The following NRCAM variants were observed in gnomAD, a reference collection of about 807,000 sequenced individuals.
The protein encoded by NRCAM is neuronal cell adhesion molecule, also known as NgCAM-related cell adhesion molecule.
In NRCAM, 83 loss-of-function variants were observed where a neutral mutation model predicts 156.5. That is an observed-to-expected ratio of 0.53 (90% CI 0.44 to 0.64). The LOEUF is 0.64. Ranked by LOEUF, NRCAM falls within the 30% of genes least tolerant of loss-of-function variation. NRCAM has a pLI of 0.00. For synonymous variants in NRCAM, 538 were observed against 563.9 expected, an observed-to-expected ratio of 0.95 and a Z score of 0.65; for missense variants, 1,417 against 1,597.3, an observed-to-expected ratio of 0.89 and a Z score of 1.92.
At chr7:108,321,868 C>T (rs2099005680) in intron 2 of NRCAM, among the ~76,000 whole-genome samples, 1 of 152,080 alleles carries the variant, frequency 6.6e-6, no homozygotes, top group Admixed American at 6.5e-5. Context: ...TTAACTTGGC[C>T]GTTGGTATCA....
At chr7:108,393,631 T>C (rs1327937806) in intron 2 of NRCAM, among the ~76,000 whole-genome samples, 2 of 152,156 alleles carry the variant, frequency 1.3e-5, no homozygotes, top group African/African-American at 4.8e-5. Flanking sequence ...ATGAACCCAG[T>C]ACCTAAGTTG....
intron 3 of NRCAM, among the ~76,000 whole-genome samples, chr7:108,309,943 A>G (rs1236714683): frequency 1.3e-5 from 2 of 152,192 alleles, no homozygotes; most frequent in African/African-American, 4.8e-5. Context: ...ACTTTTACAA[A>G]TCAACTTAAT....
At chr7:108,369,434 C>T (rs2099614731) in intron 2 of NRCAM, among the ~76,000 whole-genome samples, 1 of 151,942 alleles carries the variant, frequency 6.6e-6, no homozygotes, top group African/African-American at 2.4e-5. Flanking sequence ...AAGTATTTTC[C>T]TTTAAAACAT....
chr7:108,368,769 G>T (rs1039800194), intron 2 of NRCAM, among the ~76,000 whole-genome samples: 6 of 151,978 alleles, frequency 3.9e-5, no homozygotes, highest in African/African-American at 1.5e-4. Context: ...ATGAGAAACC[G>T]TATATTTCTG....
chr7:108,449,592 G>T (rs973298772), intron 1 of NRCAM, among the ~76,000 whole-genome samples: 2 of 152,190 alleles, frequency 1.3e-5, no homozygotes, highest in African/African-American at 4.8e-5. Context: ...CTTACCTTAA[G>T]GCATAATTAA....
At chr7:108,230,384 C>G (rs1284102039) in intron 8 of NRCAM, among the ~76,000 whole-genome samples, 3 of 152,180 alleles carry the variant, frequency 2.0e-5, no homozygotes, top group Non-Finnish European at 4.4e-5. Context: ...TCTACTCTCT[C>G]TTTTGCCCGC....
chr7:108,279,506 T>G (rs1360196361), intron 3 of NRCAM, among the ~76,000 whole-genome samples: 1 of 134,324 alleles, frequency 7.4e-6, no homozygotes, highest in Non-Finnish European at 1.6e-5. Flanking sequence ...TGCAACACTG[T>G]TTTTTTTTGG....
At chr7:108,217,945 G>A (rs543993850) in intron 11 of NRCAM, among the ~76,000 whole-genome samples, 8 of 152,142 alleles carry the variant, frequency 5.3e-5, no homozygotes, top group African/African-American at 7.2e-5. Flanking sequence ...TCTCACTGGC[G>A]TTCCAGGCAC....
Position 108,376,509 on chromosome 7 carries a change from T to A in NRCAM, c.-174+22927A>T, listed in dbSNP as rs1277113163. ...GTGTGGCTGGTACTTGCTGCCCTCC[T>A]GAGAAGAGTTAGTGTAAGGGGTTAC... On this transcript the variant is annotated intron_variant, in intron 2 of 32. Transcript: ENST00000379028. 2.0e-5 allele frequency among the ~76,000 whole-genome samples: 3 copies of A among 152,306 alleles called. No homozygotes were observed. In the South Asian group the frequency reaches 6.2e-4, roughly 32 times the overall value.
intron 2 of NRCAM, among the ~76,000 whole-genome samples, chr7:108,319,909 T>A (rs1035810964): frequency 2.0e-5 from 3 of 152,154 alleles, no homozygotes; most frequent in African/African-American, 7.2e-5. Context: ...CTAAGGGCAA[T>A]GGGAAGCCAC....
At chr7:108,202,506 A>T (rs1277472351) in intron 13 of NRCAM, among the ~76,000 whole-genome samples, 1 of 151,996 alleles carries the variant, frequency 6.6e-6, no homozygotes, top group African/African-American at 2.4e-5. Flanking sequence ...TTTCTCAGTT[A>T]GTCAACTTTG....
At chr7:108,349,686 T>C (rs1360718136) in intron 2 of NRCAM, among the ~76,000 whole-genome samples, 1 of 152,168 alleles carries the variant, frequency 6.6e-6, no homozygotes, top group East Asian at 1.9e-4. Flanking sequence ...AATGGTTTGA[T>C]ACCACTTTTG....
At chr7:108,259,260 C>T (rs573495536) in intron 3 of NRCAM, among the ~76,000 whole-genome samples, 1 of 152,174 alleles carries the variant, frequency 6.6e-6, no homozygotes. Flanking sequence ...TCTTGAAGTA[C>T]CACTTAAATC....
intron 11 of NRCAM, among the ~76,000 whole-genome samples, chr7:108,210,202 A>G (rs1356694384): frequency 6.6e-6 from 1 of 151,968 alleles, no homozygotes; most frequent in Non-Finnish European, 1.5e-5. Flanking sequence ...AATTAAGAAT[A>G]GATCAAACTT....
chr7:108,324,919 G>T (rs1323199587), intron 2 of NRCAM, among the ~76,000 whole-genome samples: 1 of 127,888 alleles, frequency 7.8e-6, no homozygotes, highest in African/African-American at 2.9e-5. Context: ...TTTAGCTATG[G>T]CTGGTGTAAT....
At chr7:108,305,476 T>C (rs1425806383) in intron 3 of NRCAM, among the ~76,000 whole-genome samples, 1 of 152,228 alleles carries the variant, frequency 6.6e-6, no homozygotes, top group Non-Finnish European at 1.5e-5. Context: ...CTACATTAAC[T>C]GCATCTTCTC....
intron 13 of NRCAM, among the ~76,000 whole-genome samples, chr7:108,204,742 C>T (rs976628218): frequency 2.6e-5 from 4 of 152,180 alleles, no homozygotes; most frequent in African/African-American, 9.7e-5. Context: ...CTTGTCTTCT[C>T]AGTCTCCTTT....
At chr7:108,213,138 C>T (rs543769588) in intron 11 of NRCAM, among the ~76,000 whole-genome samples, 46 of 152,158 alleles carry the variant, frequency 3.0e-4, no homozygotes, top group South Asian at 1.5e-3. Flanking sequence ...TTGTATCCAG[C>T]GAAACTAAGC....
Position 108,182,835 on chromosome 7 carries a change from G to C in NRCAM, c.2390C>G (p.Ser797Cys). 1 of 1,614,230 alleles carries C rather than the reference G, an allele frequency of 6.2e-7. No individual in the cohort carries two copies. The highest frequency in any genetic ancestry group is 8.5e-7 in the Non-Finnish European group (1 of 1,180,038). The change falls in exon 23 of 33, where the codon TCT becomes TGT. Residue 797 changes from serine to cysteine, a missense_variant. Physicochemically the swap from Ser to Cys is moderately radical, Grantham distance 112 (BLOSUM62 -1). Transcript: ENST00000379028. ...RQKDGDDEWT[S>C]VVVANVSKYI... ...TTTGGATACATTTGCCACAACCACA[G>C]ATGTCCATTCATCATCACCATCTTT...
Sources: gnomAD v4.1 joint callset for allele counts (sites outside exome capture counted in the v4.1 genomes callset) on GRCh38, gnomAD v4.1.1 for gene constraint, MANE v1.5 for transcripts, NCBI Gene and HGNC (gene_info 2026-07-23, HGNC 2026-07-21) for gene names.